Variants in CDYL2 observed in about 807,000 individuals in gnomAD.
CDYL2 encodes the protein chromodomain Y-like protein 2.
CDYL2 carries 23 observed loss-of-function variants against 49.4 expected under a neutral mutation model. The ratio of observed to expected loss-of-function variants is 0.47; its 90% CI spans 0.34 to 0.66. CDYL2 has a LOEUF of 0.66. CDYL2 is among the 30% of genes least tolerant of loss of function. The pLI, the probability that CDYL2 is intolerant of heterozygous loss-of-function variation, is 0.01. For missense variants in CDYL2, 678 were observed against 656.4 expected, an observed-to-expected ratio of 1.03 and a Z score of -0.36; for synonymous variants, 360 against 268.8, an observed-to-expected ratio of 1.34 and a Z score of -3.32.
rs1407459686 is a variant in CDYL2, at chr16:80,676,961, G to GTCTTTTTTTTTT, written c.616+7576_616+7577insAAAAAAAAAAGA. Reference sequence around the variant, plus strand: ...AGGACTTTTTAACAACCAATTCAATGTATTTTTTTTTTTTTTTTTTTTTTT... The same window carrying GTCTTTTTTTTTT: ...AGGACTTTTTAACAACCAATTCAATGTCTTTTTTTTTTTATTTTTTTTTTTTTTTTTTTTTTT... On this transcript the variant is annotated intron_variant, in intron 2 of 6. Transcript: ENST00000570137. Among the ~76,000 whole-genome samples the GTCTTTTTTTTTT allele has an allele frequency of 7.2e-5, 8 of 110,518 alleles. 3 individuals carry two copies. Among genetic ancestry groups the GTCTTTTTTTTTT allele is most frequent in the Non-Finnish European group, 7.5e-5 (4 of 53,550 alleles). 72.5% of individuals were successfully genotyped at this position (110,518 alleles called of 152,430 possible).
At chr16:80,672,064 C>T (rs2084866) in intron 2 of CDYL2, among the ~76,000 whole-genome samples, 74,897 of 151,908 alleles carry the variant, frequency 0.49, 20,850 homozygotes, top group Middle Eastern at 0.71. Flanking sequence ...CAGTTAAGCA[C>T]CCCTAATCTG....
chr16:80,661,974 C>T (rs564036309), intron 2 of CDYL2, among the ~76,000 whole-genome samples: 5 of 152,132 alleles, frequency 3.3e-5, no homozygotes, highest in Admixed American at 2.6e-4. Flanking sequence ...GGAACTCACT[C>T]CAGCAATCAC....
chr16:80,797,788 T>C (rs1267652810), intron 1 of CDYL2, among the ~76,000 whole-genome samples: 1 of 152,196 alleles, frequency 6.6e-6, no homozygotes, highest in African/African-American at 2.4e-5. Context: ...TCCATCGCCA[T>C]TACCACTCCC....
At chr16:80,786,393 G>A (rs375567411) in intron 1 of CDYL2, among the ~76,000 whole-genome samples, 18 of 152,314 alleles carry the variant, frequency 1.2e-4, no homozygotes, top group Admixed American at 9.2e-4. Context: ...TTAGAGAAAT[G>A]CAAATCAAAA....
At chr16:80,695,292 T>C (rs193015732) in intron 1 of CDYL2, among the ~76,000 whole-genome samples, 1 of 152,278 alleles carries the variant, frequency 6.6e-6, no homozygotes, top group Non-Finnish European at 1.5e-5. Flanking sequence ...CCAACACTTA[T>C]CACTATACAA....
intron 1 of CDYL2, among the ~76,000 whole-genome samples, chr16:80,714,189 T>C (rs1904717156): frequency 6.6e-6 from 1 of 152,140 alleles, no homozygotes; most frequent in African/African-American, 2.4e-5. Flanking sequence ...CCAGACCCCT[T>C]AGCTTGACCC....
At chr16:80,786,479 G>A (rs1241979842) in intron 1 of CDYL2, among the ~76,000 whole-genome samples, 2 of 152,214 alleles carry the variant, frequency 1.3e-5, no homozygotes, top group Admixed American at 6.5e-5. Flanking sequence ...TGCTGGAGAG[G>A]TTGTGGAAAA....
Position 80,601,990 on chromosome 16 carries a change from TC to T in CDYL2, c.*2397del, listed in dbSNP as rs1906107818. 1 of 152,138 alleles carries T rather than the reference TC, an allele frequency of 6.6e-6. No individual in the cohort carries two copies. Among genetic ancestry groups the T allele is most frequent in the African/African-American group, 2.4e-5 (1 of 41,426 alleles). 9.4% of individuals were successfully genotyped at this position (152,138 alleles called of 1,614,324 possible). On this transcript the variant is annotated 3_prime_UTR_variant, in exon 7 of 7. Transcript: ENST00000570137. Reference sequence around the variant, plus strand: ...ACTGATCTAAAGGAATTTCTAAACATCCCCTTCCATGTCCAAGGAGAATCCT... The same window carrying T: ...ACTGATCTAAAGGAATTTCTAAACATCCCTTCCATGTCCAAGGAGAATCCT...
intron 2 of CDYL2, among the ~76,000 whole-genome samples, chr16:80,651,733 A>C: frequency 6.6e-6 from 1 of 152,250 alleles, no homozygotes; most frequent in East Asian, 1.9e-4. Context: ...AAATAACTTT[A>C]GAAATGAGCG....
intron 6 of CDYL2, among the ~76,000 whole-genome samples, chr16:80,606,014 C>T (rs570744228): frequency 8.5e-5 from 13 of 152,366 alleles, no homozygotes; most frequent in Admixed American, 2.6e-4. Context: ...GCAGACGTTA[C>T]AGCCAGAAGT....
chr16:80,707,068 A>T (rs1904430096), intron 1 of CDYL2, among the ~76,000 whole-genome samples: 1 of 152,004 alleles, frequency 6.6e-6, no homozygotes, highest in Non-Finnish European at 1.5e-5. Flanking sequence ...CCCACATCCA[A>T]CTCCCTGCAC....
chr16:80,678,520 A>G (rs1010198752), intron 2 of CDYL2, among the ~76,000 whole-genome samples: 2 of 152,130 alleles, frequency 1.3e-5, no homozygotes, highest in Non-Finnish European at 2.9e-5. Context: ...AATGCTCACC[A>G]CCACTGGCCA....
rs556279057 is a variant in CDYL2, at chr16:80,761,212, G to C, written c.24+42938C>G. ...GAAGCCCAGCAATCTGTTTGAACAA[G>C]CCCGCCAGGGGATTCTGGTGGGGCT... On this transcript the variant is annotated intron_variant, in intron 1 of 6. Coordinates refer to ENST00000570137, the MANE Select transcript of CDYL2 (RefSeq NM_152342.4). Among the ~76,000 whole-genome samples the C allele has an allele frequency of 2.6e-5, 4 of 152,214 alleles. No individual in the cohort carries two copies. The East Asian group carries it at 5.8e-4, about 22-fold the overall frequency.
At chr16:80,789,895 C>T (rs926602687) in intron 1 of CDYL2, among the ~76,000 whole-genome samples, 98 of 152,002 alleles carry the variant, frequency 6.4e-4, no homozygotes, top group African/African-American at 2.2e-3. Flanking sequence ...TGAAAACAGA[C>T]ACTGGGGACT....
At chr16:80,707,958 C>A (rs1301320618) in intron 1 of CDYL2, among the ~76,000 whole-genome samples, 1 of 152,062 alleles carries the variant, frequency 6.6e-6, no homozygotes, top group East Asian at 1.9e-4. Context: ...GGGTAGATCA[C>A]CTTAAGTTTA....
intron 2 of CDYL2, among the ~76,000 whole-genome samples, chr16:80,633,564 T>A (rs895826902): frequency 1.3e-5 from 2 of 152,228 alleles, no homozygotes; most frequent in Non-Finnish European, 2.9e-5. Context: ...CCCTCTCCAC[T>A]GGTGGATGCC....
At position 80,620,818 on chromosome 16, in the gene CDYL2, C is replaced by T. The variant is rs1907047240; in HGVS notation, c.952G>A (p.Gly318Ser). The change falls in exon 4 of 7, where the codon GGC becomes AGC. Residue 318 changes from glycine to serine, a missense_variant. Gly to Ser is a moderately conservative substitution (Grantham distance 56). This residue lies in a region of CDYL2 where 478 missense variants were observed against 427.0 expected (regional missense o/e 1.12). Coordinates refer to ENST00000570137, the MANE Select transcript of CDYL2 (RefSeq NM_152342.4). ...CSGLDYSYLI[G>S]RLSSDRRKES... ...TTTCGCCGGTCGCTGGACAACCGGC[C>T]AATTAGGTAGGAATAATCCAGGCCG... The T allele has an allele frequency of 6.2e-7, 1 of 1,611,980 alleles. No individual in the cohort carries two copies.
At chr16:80,653,189 G>T (rs1376617621) in intron 2 of CDYL2, among the ~76,000 whole-genome samples, 1 of 152,200 alleles carries the variant, frequency 6.6e-6, no homozygotes, top group Non-Finnish European at 1.5e-5. Context: ...AATTTGGCTG[G>T]GCGCGATGGC....
intron 1 of CDYL2, among the ~76,000 whole-genome samples, chr16:80,754,752 T>G (rs919862480): frequency 3.9e-5 from 6 of 152,190 alleles, no homozygotes; most frequent in Non-Finnish European, 5.9e-5. Context: ...AATAAGTTAT[T>G]AGTTTGAGCT....
Sources: allele counts gnomAD v4.1 joint callset (sites outside exome capture counted in the v4.1 genomes callset), GRCh38; gene constraint gnomAD v4.1.1; regional missense constraint gnomAD v4.1.1; transcripts MANE v1.5; gene names NCBI Gene and HGNC (gene_info 2026-07-23, HGNC 2026-07-21).